Variants in TTC7A observed in about 807,000 individuals in gnomAD.
TTC7A encodes tetratricopeptide repeat domain 7A.
A neutral mutation model predicts 103.7 loss-of-function variants in TTC7A; 110 were observed. The ratio of observed to expected loss-of-function variants is 1.06; its 90% CI spans 0.91 to 1.24. The LOEUF (loss-of-function observed/expected upper bound fraction) is 1.24, where lower values mean the gene tolerates loss of function less well. TTC7A is among the 50% of genes most tolerant of loss of function. The pLI is 0.00. For missense variants in TTC7A, 1,340 were observed against 1,116.3 expected (o/e 1.20, Z -2.86); for synonymous variants, 521 against 467.9 (o/e 1.11, Z -1.47).
chr2:46,925,414 C>T (rs898169963), intron 2 of TTC7A, among the ~76,000 whole-genome samples: 4 of 151,974 alleles, frequency 2.6e-5, no homozygotes, highest in African/African-American at 7.3e-5. Context: ...AAAAATTAGC[C>T]GGGCATGGTG....
At chr2:46,991,250 G>A (rs1035585709) in intron 5 of TTC7A, among the ~76,000 whole-genome samples, 13 of 152,058 alleles carry the variant, frequency 8.5e-5, no homozygotes, top group African/African-American at 2.9e-4. Flanking sequence ...GGTCTGGGTG[G>A]GGGTCTCAGA....
chr2:46,922,740 C>CG (rs1558473567), intron 2 of TTC7A, among the ~76,000 whole-genome samples: 1 of 151,836 alleles, frequency 6.6e-6, no homozygotes, highest in South Asian at 2.1e-4. Flanking sequence ...TGGGGAGGGG[C>CG]GGGGGGCTCT....
At chr2:46,999,857 G>A (rs1676611230) in intron 8 of TTC7A, 4 of 985,460 alleles carry the variant, frequency 4.1e-6, no homozygotes, top group Non-Finnish European at 4.8e-6. Flanking sequence ...GAAATGGAAA[G>A]GGTACAGAGC....
At chr2:47,012,273 A>G (rs966477602) in intron 11 of TTC7A, among the ~76,000 whole-genome samples, 33 of 152,298 alleles carry the variant, frequency 2.2e-4, no homozygotes, top group African/African-American at 7.2e-4. Context: ...TTCAGTCCCA[A>G]TCAGCTTGCT....
intron 2 of TTC7A, among the ~76,000 whole-genome samples, chr2:46,932,690 T>A (rs1669769588): frequency 6.6e-6 from 1 of 151,740 alleles, no homozygotes; most frequent in Admixed American, 6.6e-5. Flanking sequence ...CACCTGAGTT[T>A]AGGAGTTCGA....
intron 2 of TTC7A, among the ~76,000 whole-genome samples, chr2:46,924,679 C>T (rs193278784): frequency 1.7e-4 from 26 of 151,980 alleles, no homozygotes; most frequent in African/African-American, 5.5e-4. Context: ...CTGGCTGGAG[C>T]GCAGTGGTGC....
At chr2:46,986,107 A>T (rs1674980564) in intron 5 of TTC7A, among the ~76,000 whole-genome samples, 1 of 152,218 alleles carries the variant, frequency 6.6e-6, no homozygotes, top group African/African-American at 2.4e-5. Flanking sequence ...GTCTTAGCTT[A>T]AGGTGCTAGA....
intron 5 of TTC7A, among the ~76,000 whole-genome samples, chr2:46,981,018 GCTCTCCAAGC>G (rs1364538579): frequency 1.3e-5 from 2 of 152,224 alleles, no homozygotes; most frequent in Non-Finnish European, 2.9e-5. Context: ...CAACCTGGAA[GCTCTCCAAGC>G]CCATGCTTTT....
intron 2 of TTC7A, among the ~76,000 whole-genome samples, chr2:46,923,754 C>T (rs1043219447): frequency 4.6e-5 from 7 of 151,232 alleles, no homozygotes; most frequent in African/African-American, 1.7e-4. Flanking sequence ...TTTTTGGAGA[C>T]AAAGTCTCAC....
rs982437690 is a variant in TTC7A, at chr2:47,023,446, G to A, written c.1549G>A (p.Ala517Thr). Residue 517 changes from alanine (A) to threonine (T), a missense_variant, in exon 13 of 20, where the codon GCA becomes ACA. Ala to Thr is a moderately conservative substitution (Grantham distance 58). Transcript: ENST00000319190. ...CAAGCAAGATGAATTGCACCGGAAG[G>A]CACTGCAGACGCTGGAGAGGTGAGG... ...KSKQDELHRK[A>T]LQTLERAQQL... 6 of 1,614,130 alleles carry A rather than the reference G, an allele frequency of 3.7e-6. No homozygotes were observed. The highest frequency in any genetic ancestry group is 1.3e-5 in the African/African-American group (1 of 75,042).
chr2:47,026,581 A>G (rs750616297), intron 14 of TTC7A, among the ~76,000 whole-genome samples: 3 of 152,158 alleles, frequency 2.0e-5, no homozygotes, highest in Non-Finnish European at 4.4e-5. Context: ...TCCTGCAGGG[A>G]TGGAACGCTG....
intron 8 of TTC7A, among the ~76,000 whole-genome samples, chr2:47,003,008 G>C (rs1676995977): frequency 1.3e-5 from 2 of 152,146 alleles, no homozygotes; most frequent in African/African-American, 4.8e-5. Flanking sequence ...GCTGCTGCTA[G>C]TATGCTCCTC....
chr2:47,005,083 C>T (rs1261400210), intron 8 of TTC7A, among the ~76,000 whole-genome samples: 1 of 152,226 alleles, frequency 6.6e-6, no homozygotes, highest in African/African-American at 2.4e-5. Flanking sequence ...AGCCATCTGG[C>T]AACTCTGTGA....
chr2:46,955,846 C>T (rs6733381), intron 2 of TTC7A, among the ~76,000 whole-genome samples: 1,661 of 152,260 alleles, frequency 0.011, 34 homozygotes, highest in African/African-American at 0.037. Flanking sequence ...GCTGCATCTT[C>T]GGGGAGTTTT....
intron 15 of TTC7A, among the ~76,000 whole-genome samples, chr2:47,037,779 A>G (rs1212317741): frequency 6.6e-6 from 1 of 152,248 alleles, no homozygotes; most frequent in African/African-American, 2.4e-5. Context: ...AGAGGCACAG[A>G]GGACCTAAGT....
intron 2 of TTC7A, among the ~76,000 whole-genome samples, chr2:46,926,666 T>A (rs1213543113): frequency 6.6e-6 from 1 of 152,240 alleles, no homozygotes; most frequent in Non-Finnish European, 1.5e-5. Context: ...CAGAAGAATA[T>A]AAAATTATCC....
chr2:46,986,614 G>A (rs1490305583), intron 5 of TTC7A, among the ~76,000 whole-genome samples: 1 of 152,196 alleles, frequency 6.6e-6, no homozygotes, highest in Non-Finnish European at 1.5e-5. Context: ...TAGAGCAGAG[G>A]TGCTGCAGTT....
At chr2:47,053,543 TTTGGTTGGTTGGTTGGTTGG>T (rs35563040) in intron 18 of TTC7A, among the ~76,000 whole-genome samples, 3 of 140,138 alleles carry the variant, frequency 2.1e-5, no homozygotes, top group Admixed American at 7.1e-5. Flanking sequence ...TGTTTGTTTG[TTTGGTTGGTTGGTTGGTTGG>T]TTGGTTGGTT....
At chr2:47,024,909 T>G (rs1679721144) in intron 14 of TTC7A, among the ~76,000 whole-genome samples, 2 of 152,158 alleles carry the variant, frequency 1.3e-5, no homozygotes, top group South Asian at 4.1e-4. Flanking sequence ...GCTGAGAGAA[T>G]GCTGGTGTGT....
Sources: allele counts gnomAD v4.1 joint callset (sites outside exome capture counted in the v4.1 genomes callset), GRCh38; gene constraint gnomAD v4.1.1; transcripts MANE v1.5; gene names NCBI Gene and HGNC (gene_info 2026-07-23, HGNC 2026-07-21).